Variants in HECTD4 observed in about 807,000 individuals in gnomAD.
HECTD4 encodes the protein HECT domain E3 ubiquitin protein ligase 4, also known as probable E3 ubiquitin-protein ligase HECTD4.
HECTD4 carries 114 observed loss-of-function variants against 471.5 expected under a neutral mutation model. That is an observed-to-expected ratio of 0.24 (90% confidence interval 0.21 to 0.28). HECTD4 has a LOEUF of 0.28. HECTD4 is among the 10% of genes least tolerant of loss of function. The pLI is 1.00. For synonymous variants in HECTD4, 2,012 were observed against 2,256.0 expected (o/e 0.89, Z 3.07); for missense variants, 3,866 against 5,651.5 (o/e 0.68, Z 10.13).
chr12:112,347,683 A>G (rs1223626312), intron 1 of HECTD4, among the ~76,000 whole-genome samples: 3 of 152,246 alleles, frequency 2.0e-5, no homozygotes, highest in Non-Finnish European at 4.4e-5. Flanking sequence ...TATGATTCAC[A>G]ACCTTTCTTC....
chr12:112,255,042 C>T (rs1157937663), intron 21 of HECTD4, among the ~76,000 whole-genome samples: 1 of 152,192 alleles, frequency 6.6e-6, no homozygotes, highest in Non-Finnish European at 1.5e-5. Context: ...CTGACACCAG[C>T]CAGGGACCAC....
chr12:112,285,311 A>AC, intron 7 of HECTD4, among the ~76,000 whole-genome samples: 1 of 151,838 alleles, frequency 6.6e-6, no homozygotes, highest in Non-Finnish European at 1.5e-5. Context: ...GGTGTCCAAG[A>AC]CCTCCACCTG....
intron 13 of HECTD4, among the ~76,000 whole-genome samples, chr12:112,268,697 G>A (rs1273657454): frequency 2.7e-5 from 4 of 150,916 alleles, no homozygotes; most frequent in East Asian, 2.0e-4. Flanking sequence ...CGGAGATTGC[G>A]GTGAGCTGAG....
Position 112,243,578 on chromosome 12 carries a change from T to C in HECTD4, c.4791+42A>G, listed in dbSNP as rs913057537. On this transcript the variant is annotated intron_variant, in intron 31 of 75. Transcript: ENST00000682272. This position sits in a 1 kb window ranked among gnomAD's most constrained non-coding sequence, Gnocchi z 6.6. The stretch of plus-strand genomic sequence containing the variant: ...CTAACTGCCGCAAGACCCCGCATGC[T>C]GTTAGGTGCTATTCATCTGGAGCCC... 4 of 1,603,118 alleles carry C rather than the reference T, an allele frequency of 2.5e-6. No homozygotes were observed. The highest frequency in any genetic ancestry group is 1.3e-5 in the African/African-American group (1 of 74,850).
chr12:112,308,396 A>C (rs1228613710), intron 6 of HECTD4, among the ~76,000 whole-genome samples: 1 of 151,902 alleles, frequency 6.6e-6, no homozygotes, highest in Non-Finnish European at 1.5e-5. Flanking sequence ...TTGAATAAGG[A>C]AATGATGCCT....
At chr12:112,359,814 C>G (rs1411063779) in intron 1 of HECTD4, among the ~76,000 whole-genome samples, 1 of 151,982 alleles carries the variant, frequency 6.6e-6, no homozygotes, top group Non-Finnish European at 1.5e-5. Flanking sequence ...CTGGGCTCAA[C>G]TGATCCTCCT....
intron 7 of HECTD4, 100 bp downstream of exon 7, chr12:112,305,964 A>C: frequency 9.1e-7 from 1 of 1,100,930 alleles, no homozygotes; most frequent in Non-Finnish European, 1.3e-6. Flanking sequence ...TGAACACACT[A>C]TACACGCTGC....
At chr12:112,368,561 A>G (rs964975623) in intron 1 of HECTD4, among the ~76,000 whole-genome samples, 1 of 152,234 alleles carries the variant, frequency 6.6e-6, no homozygotes, top group Non-Finnish European at 1.5e-5. Context: ...ACAAATTACT[A>G]TGCAGACATT....
intron 7 of HECTD4, among the ~76,000 whole-genome samples, chr12:112,295,343 T>C (rs560271161): frequency 6.6e-5 from 10 of 150,928 alleles, no homozygotes; most frequent in South Asian, 6.3e-4. Context: ...ATATTTCATA[T>C]AGAAAAGTCT....
intron 60 of HECTD4, among the ~76,000 whole-genome samples, chr12:112,186,324 T>TA (rs1346819113): frequency 6.9e-6 from 1 of 144,476 alleles, no homozygotes; most frequent in African/African-American, 2.6e-5. Flanking sequence ...TTTTTTTTTT[T>TA]AATTATTTTT....
At position 112,216,292 on chromosome 12, in the gene HECTD4, CG is replaced by C; in HGVS notation, c.7464del (p.Gly2489ValfsTer86). 1.3e-6 allele frequency: 2 copies of C among 1,545,954 alleles called. No individual in the cohort carries two copies. Among genetic ancestry groups the C allele is most frequent in the Non-Finnish European group, 1.8e-6 (2 of 1,140,982 alleles). On this transcript the variant is annotated frameshift_variant and splice_region_variant, in exon 48 of 76. Coordinates refer to ENST00000682272, the MANE Select transcript of HECTD4 (RefSeq NM_001388303.1). LOFTEE classifies it high-confidence loss of function. The part of the protein sequence containing the change: ...KSVRLDVTLS[P>X]GDVAGIGWER... ...GTGGAAAAGCTCCCACTGCACTCAC[CG>C]GGGGAGAGAGTCACGTCTAAGCGAA...
chr12:112,217,320 C>T (rs35655587), intron 45 of HECTD4, 125 bp from the exon 46 acceptor site: 82,950 of 382,846 alleles, frequency 0.22, 10,134 homozygotes, highest in East Asian at 0.68. Flanking sequence ...CACACACATA[C>T]ACACACACAC....
At chr12:112,329,829 T>G (rs1312418348) in intron 1 of HECTD4, among the ~76,000 whole-genome samples, 2 of 152,214 alleles carry the variant, frequency 1.3e-5, no homozygotes, top group African/African-American at 4.8e-5. Context: ...ATTTGGAGGT[T>G]GGGTACAGTG....
In HECTD4 at chr12:112,248,438, G is replaced by A. The variant is rs2033808074; in HGVS notation, c.4025C>T (p.Ala1342Val). 1 of 1,611,146 alleles carries A rather than the reference G, an allele frequency of 6.2e-7. No homozygotes were observed. Among genetic ancestry groups the A allele is most frequent in the African/African-American group, 1.3e-5 (1 of 74,818 alleles). The change falls in exon 26 of 76, where the codon GCA becomes GTA. Residue 1342 changes from alanine (A) to valine (V), a missense_variant. Coordinates refer to ENST00000682272, the MANE Select transcript of HECTD4 (RefSeq NM_001388303.1). ...CVIKHLNLVD[A>V]LQSLINFQYQ... The stretch of plus-strand genomic sequence containing the variant: ...TTGGAAATTTATTAGAGACTGCAGT[G>A]CATCAACCAAGTTCAAGTGCTTAAT...
chr12:112,313,089 T>C lies in HECTD4; in HGVS notation c.844A>G (p.Ile282Val), dbSNP rs1377775051. The change falls in exon 4 of 76, where the codon ATA (isoleucine) becomes GTA (valine). Residue 282 changes from isoleucine to valine, a missense_variant. Around this residue, in one of 16 missense-constraint regions of HECTD4, gnomAD observed 440 missense variants for 636.0 expected, o/e 0.69. Coordinates refer to ENST00000682272, the MANE Select transcript of HECTD4 (RefSeq NM_001388303.1). ...ATGTCTTCATAACCCCATGATACTA[T>C]GTGTTTGCCCCCAAGCAAACAGGAG... ...SPSCLLGGKH[I>V]VSWGYEDMLP... 1 of 1,535,762 alleles carries C rather than the reference T, an allele frequency of 6.5e-7. No homozygotes were observed. Among genetic ancestry groups the C allele is most frequent in the African/African-American group, 1.4e-5 (1 of 73,118 alleles).
intron 1 of HECTD4, among the ~76,000 whole-genome samples, chr12:112,327,810 A>C (rs1395040574): frequency 1.3e-5 from 2 of 152,230 alleles, no homozygotes; most frequent in East Asian, 3.8e-4. Context: ...AGTTAATTTC[A>C]AATAATGTAG....
chr12:112,297,105 T>C (rs1485101398), intron 7 of HECTD4, among the ~76,000 whole-genome samples: 1 of 149,582 alleles, frequency 6.7e-6, no homozygotes, highest in Non-Finnish European at 1.5e-5. Context: ...GCAGAGGGTG[T>C]AGGTGCTGTG....
intron 18 of HECTD4, among the ~76,000 whole-genome samples, chr12:112,260,579 A>T (rs1421606762): frequency 2.1e-5 from 3 of 144,108 alleles, no homozygotes; most frequent in African/African-American, 5.1e-5. Flanking sequence ...CCAGAGCAGA[A>T]TTTTTTTTTT....
At chr12:112,290,709 A>G (rs1057508340) in intron 7 of HECTD4, among the ~76,000 whole-genome samples, 7 of 151,878 alleles carry the variant, frequency 4.6e-5, no homozygotes, top group Non-Finnish European at 5.9e-5. Context: ...TTAGCTGGGC[A>G]TGGTGGTGTA....
Sources: allele counts gnomAD v4.1 joint callset (sites outside exome capture counted in the v4.1 genomes callset), GRCh38; gene constraint gnomAD v4.1.1; regional missense constraint gnomAD v4.1.1; non-coding constraint Gnocchi (gnomAD v3.1); transcripts MANE v1.5; gene names NCBI Gene and HGNC (gene_info 2026-07-23, HGNC 2026-07-21).